The following ZFAND3 variants were observed in gnomAD, a reference collection of about 807,000 sequenced individuals.
ZFAND3 encodes the protein zinc finger AN1-type containing 3, also known as AN1-type zinc finger protein 3.
Under a neutral mutation model 29.6 loss-of-function variants are expected in ZFAND3, and 10 were observed. The ratio of observed to expected loss-of-function variants is 0.34; its 90% CI spans 0.21 to 0.57. ZFAND3 has a LOEUF of 0.57. Ranked by LOEUF, ZFAND3 falls within the 20% of genes least tolerant of loss-of-function variation. The pLI is 0.86. For missense variants in ZFAND3, 230 were observed against 304.5 expected, an observed-to-expected ratio of 0.76 and a Z score of 1.82; for synonymous variants, 128 against 112.6, an observed-to-expected ratio of 1.14 and a Z score of -0.87.
intron 3 of ZFAND3, among the ~76,000 whole-genome samples, chr6:38,071,731 G>A (rs913174831): frequency 3.9e-5 from 6 of 152,138 alleles, no homozygotes; most frequent in African/African-American, 1.4e-4. Flanking sequence ...CTTGGCAAGA[G>A]AATGTCATCT....
At chr6:38,101,655 T>G (rs1765095160) in intron 4 of ZFAND3, among the ~76,000 whole-genome samples, 1 of 150,840 alleles carries the variant, frequency 6.6e-6, no homozygotes, top group Non-Finnish European at 1.5e-5. Context: ...GCACCTGTAA[T>G]CCCAGCCACT....
At chr6:38,122,902 A>G (rs987067369) in intron 5 of ZFAND3, among the ~76,000 whole-genome samples, 2 of 152,214 alleles carry the variant, frequency 1.3e-5, no homozygotes, top group Non-Finnish European at 2.9e-5. Context: ...AAATGAGGGG[A>G]TGCTTGGGCA....
intron 1 of ZFAND3, among the ~76,000 whole-genome samples, chr6:37,903,513 G>C (rs1245387197): frequency 6.6e-6 from 1 of 152,098 alleles, no homozygotes; most frequent in Non-Finnish European, 1.5e-5. Flanking sequence ...CACCTTTCTT[G>C]CTACCAAGCT....
intron 1 of ZFAND3, among the ~76,000 whole-genome samples, chr6:37,880,025 G>T (rs1446427785): frequency 6.6e-6 from 1 of 152,090 alleles, no homozygotes; most frequent in Non-Finnish European, 1.5e-5. Context: ...TGAGATATGG[G>T]TCATTTTTGT....
chr6:38,039,798 A>G (rs1763726108), intron 2 of ZFAND3, among the ~76,000 whole-genome samples: 1 of 152,186 alleles, frequency 6.6e-6, no homozygotes, highest in Non-Finnish European at 1.5e-5. Context: ...AAATTTTTAT[A>G]TGCATTCATA....
At chr6:37,866,044 C>T (rs1764584728) in intron 1 of ZFAND3, among the ~76,000 whole-genome samples, 1 of 152,084 alleles carries the variant, frequency 6.6e-6, no homozygotes, top group African/African-American at 2.4e-5. Context: ...CCCGGCTGGT[C>T]TCAAATTCTT....
chr6:38,080,002 C>A (rs182707303), intron 3 of ZFAND3, among the ~76,000 whole-genome samples: 1 of 151,092 alleles, frequency 6.6e-6, no homozygotes, highest in Non-Finnish European at 1.5e-5. Context: ...CTATACACAT[C>A]ATTCTAATAT....
At chr6:38,114,506 T>C (rs1434929284) in intron 4 of ZFAND3, among the ~76,000 whole-genome samples, 1 of 152,198 alleles carries the variant, frequency 6.6e-6, no homozygotes, top group African/African-American at 2.4e-5. Context: ...CCTTATTTAG[T>C]TGGTTTGTAT....
chr6:38,057,009 T>G (rs1236421808), intron 2 of ZFAND3, among the ~76,000 whole-genome samples: 1 of 152,226 alleles, frequency 6.6e-6, no homozygotes, highest in Non-Finnish European at 1.5e-5. Flanking sequence ...AAGACAAGTT[T>G]AAGACCTTTG....
chr6:38,057,176 G>A (rs941042718), intron 2 of ZFAND3, among the ~76,000 whole-genome samples: 1 of 152,206 alleles, frequency 6.6e-6, no homozygotes, highest in Non-Finnish European at 1.5e-5. Context: ...ATCAGATGCA[G>A]TGGCTGTTTC....
chr6:37,884,983 T>G (rs555003167), intron 1 of ZFAND3, among the ~76,000 whole-genome samples: 51 of 152,306 alleles, frequency 3.3e-4, no homozygotes, highest in African/African-American at 1.2e-3. Context: ...AAGGCTCTTG[T>G]AACAGACATC....
In ZFAND3 at chr6:38,123,185, G is replaced by A. The variant is rs960617070; in HGVS notation, c.529+6446G>A. On this transcript the variant is annotated intron_variant, in intron 5 of 5. Coordinates refer to ENST00000287218, the MANE Select transcript of ZFAND3 (RefSeq NM_021943.3). ...AGAATGTGAACTGATTGAGTCAAAA[G>A]GAATATGCATGTGTCACAACTGTTG... Among the ~76,000 whole-genome samples, 3 of 152,214 alleles carry A rather than the reference G, an allele frequency of 2.0e-5. No homozygotes were observed. The East Asian group carries it at 5.8e-4, about 29-fold the overall frequency.
intron 3 of ZFAND3, among the ~76,000 whole-genome samples, chr6:38,070,339 G>A (rs1764427570): frequency 6.6e-6 from 1 of 151,220 alleles, no homozygotes; most frequent in East Asian, 1.9e-4. Context: ...CAGGAGAATC[G>A]CTTGAACCCG....
intron 1 of ZFAND3, among the ~76,000 whole-genome samples, chr6:37,888,806 A>AAATG (rs1471345181): frequency 1.3e-5 from 2 of 152,232 alleles, no homozygotes; most frequent in Non-Finnish European, 2.9e-5. Flanking sequence ...GTGGCCTAAA[A>AAATG]AATGCTATTT....
At chr6:37,887,131 T>C (rs1484114416) in intron 1 of ZFAND3, among the ~76,000 whole-genome samples, 1 of 152,236 alleles carries the variant, frequency 6.6e-6, no homozygotes, top group East Asian at 1.9e-4. Context: ...GTAAGAAGTG[T>C]TGTGATATAA....
At chr6:37,989,199 T>C (rs1165320377) in intron 2 of ZFAND3, among the ~76,000 whole-genome samples, 3 of 152,202 alleles carry the variant, frequency 2.0e-5, no homozygotes, top group Non-Finnish European at 4.4e-5. Context: ...TGAGCCACCA[T>C]GCCCAGCCTA....
At chr6:38,026,743 G>A (rs1763457498) in intron 2 of ZFAND3, among the ~76,000 whole-genome samples, 1 of 151,614 alleles carries the variant, frequency 6.6e-6, no homozygotes, top group Admixed American at 6.6e-5. Context: ...TCCAATTTTA[G>A]GATCTTATGT....
At chr6:37,822,720 G>T (rs1763689342) in intron 1 of ZFAND3, among the ~76,000 whole-genome samples, 1 of 152,168 alleles carries the variant, frequency 6.6e-6, no homozygotes. Context: ...CTTTAGCCTA[G>T]ACCCACAGGA....
chr6:37,823,809 G>T (rs1196246958), intron 1 of ZFAND3, among the ~76,000 whole-genome samples: 1 of 151,726 alleles, frequency 6.6e-6, no homozygotes, highest in African/African-American at 2.4e-5. Flanking sequence ...TTTGGGGGGG[G>T]GTAGGAAGTT....
Sources: gnomAD v4.1 joint callset for allele counts (sites outside exome capture counted in the v4.1 genomes callset) on GRCh38, gnomAD v4.1.1 for gene constraint, MANE v1.5 for transcripts, NCBI Gene and HGNC (gene_info 2026-07-23, HGNC 2026-07-21) for gene names.